SNTG2: variants seen among roughly 807,000 people sequenced by gnomAD.
The protein encoded by SNTG2 is gamma-2-syntrophin.
Under a neutral mutation model 70.9 loss-of-function variants are expected in SNTG2, and 74 were observed. That is an observed-to-expected ratio of 1.04 (90% confidence interval 0.86 to 1.27). The LOEUF is 1.27. Ranked by LOEUF, SNTG2 falls within the 50% of genes most tolerant of loss-of-function variation. The pLI is 0.00. For synonymous variants in SNTG2, 278 were observed against 273.8 expected (o/e 1.02, Z -0.15); for missense variants, 717 against 690.7 (o/e 1.04, Z -0.43).
intron 4 of SNTG2, among the ~76,000 whole-genome samples, chr2:1,132,223 GTA>G (rs1026626772): frequency 6.8e-5 from 9 of 131,998 alleles, no homozygotes; most frequent in African/African-American, 2.0e-4. Context: ...ATATATATGT[GTA>G]TATATGTGTG....
chr2:1,260,163 A>T (rs28612419), intron 13 of SNTG2, among the ~76,000 whole-genome samples: 14,149 of 152,300 alleles, frequency 0.093, 720 homozygotes, highest in South Asian at 0.15. Flanking sequence ...GACTGTAAAG[A>T]GTTATCAGTC....
intron 13 of SNTG2, among the ~76,000 whole-genome samples, chr2:1,265,072 G>A (rs1678649049): frequency 6.6e-6 from 1 of 152,186 alleles, no homozygotes; most frequent in Non-Finnish European, 1.5e-5. Context: ...ACTATAATGA[G>A]CCATTCAATG....
chr2:1,132,557 CGTG>C (rs931991328), intron 4 of SNTG2, among the ~76,000 whole-genome samples: 8 of 152,182 alleles, frequency 5.3e-5, no homozygotes, highest in African/African-American at 1.9e-4. Context: ...CATGTGTCAT[CGTG>C]GTAGTAAGTA....
intron 9 of SNTG2, among the ~76,000 whole-genome samples, chr2:1,215,336 G>A (rs1674308867): frequency 6.6e-6 from 1 of 152,040 alleles, no homozygotes; most frequent in African/African-American, 2.4e-5. Flanking sequence ...TATTTATTTG[G>A]TAGAATTCAG....
chr2:1,162,788 G>A (rs1190636593), intron 6 of SNTG2, among the ~76,000 whole-genome samples: 1 of 152,188 alleles, frequency 6.6e-6, no homozygotes, highest in Non-Finnish European at 1.5e-5. Context: ...GCGGGGGGAG[G>A]ATAGAATCAG....
chr2:993,791 CAT>C (rs918030637), intron 1 of SNTG2, among the ~76,000 whole-genome samples: 2 of 152,050 alleles, frequency 1.3e-5, no homozygotes, highest in Non-Finnish European at 2.9e-5. Flanking sequence ...AGTATCTTCA[CAT>C]GTAATTATTT....
intron 1 of SNTG2, among the ~76,000 whole-genome samples, chr2:974,296 G>A (rs886083337): frequency 1.3e-5 from 2 of 152,180 alleles, no homozygotes; most frequent in African/African-American, 4.8e-5. Context: ...CCATGTTCAT[G>A]CTCCACATGG....
chr2:1,032,749 A>C (rs1327061442), intron 1 of SNTG2, among the ~76,000 whole-genome samples: 1 of 148,938 alleles, frequency 6.7e-6, no homozygotes, highest in Admixed American at 6.7e-5. Flanking sequence ...ATTGGTAGAT[A>C]CACCCTTGGT....
chr2:1,220,730 C>G (rs1357371349), intron 9 of SNTG2, among the ~76,000 whole-genome samples: 4 of 152,218 alleles, frequency 2.6e-5, no homozygotes, highest in East Asian at 1.9e-4. Flanking sequence ...GGCATGTGTC[C>G]TACTCTGATA....
At chr2:1,005,834 T>A (rs1432354133) in intron 1 of SNTG2, among the ~76,000 whole-genome samples, 1 of 14,410 alleles carries the variant, frequency 6.9e-5, no homozygotes, top group African/African-American at 2.6e-4. Context: ...TATATATATA[T>A]ATATATATAT....
chr2:1,262,778 G>GCAGACGAGGCAACCCGAAGTCTCCGTC (rs767622889), intron 13 of SNTG2: 4 of 142,522 alleles, frequency 2.8e-5, no homozygotes, highest in East Asian at 2.0e-4. Flanking sequence ...AAGGCTCCGT[G>GCAGACGAGGCAACCCGAAGTCTCCGTC]CAGACGAGGT....
At chr2:1,154,392 T>C (rs1274150359) in intron 6 of SNTG2, among the ~76,000 whole-genome samples, 3 of 152,184 alleles carry the variant, frequency 2.0e-5, no homozygotes, top group South Asian at 4.1e-4. Flanking sequence ...TGTCGGAAGA[T>C]GTTGAATAAG....
chr2:1,349,224 A>C (rs1049838177), intron 16 of SNTG2, among the ~76,000 whole-genome samples: 9 of 152,182 alleles, frequency 5.9e-5, no homozygotes, highest in Non-Finnish European at 1.2e-4. Context: ...CACTGGTCCA[A>C]GTGGCATCAG....
chr2:1,109,092 A>G lies in SNTG2; in HGVS notation c.325+10682A>G, dbSNP rs182240110. Among the ~76,000 whole-genome samples, 484 of 146,332 alleles carry G rather than the reference A, an allele frequency of 3.3e-3. 2 individuals carry two copies. The highest frequency in any genetic ancestry group is 0.015 in the Middle Eastern group (4 of 266). ...AGAGCTCCTTGGTAATAGTGGACGC[A>G]CGCTGTCACTGGGGCGCAGGGTATG... On this transcript the variant is annotated intron_variant, in intron 4 of 16. Transcript: ENST00000308624.
chr2:1,142,279 T>G (rs1572549457), intron 6 of SNTG2, among the ~76,000 whole-genome samples: 1 of 152,164 alleles, frequency 6.6e-6, no homozygotes, highest in Non-Finnish European at 1.5e-5. Context: ...GATCTGCAGG[T>G]CAAACCATCA....
chr2:1,061,276 T>C (rs1483669129), intron 1 of SNTG2, among the ~76,000 whole-genome samples: 2 of 152,172 alleles, frequency 1.3e-5, no homozygotes, highest in Non-Finnish European at 2.9e-5. Context: ...GTGGAAAGAA[T>C]GATGATAAAC....
chr2:1,220,908 A>C (rs1674715871), intron 9 of SNTG2, among the ~76,000 whole-genome samples: 1 of 152,226 alleles, frequency 6.6e-6, no homozygotes, highest in African/African-American at 2.4e-5. Flanking sequence ...ACTGCTAAGC[A>C]GATGAATGAC....
intron 6 of SNTG2, among the ~76,000 whole-genome samples, chr2:1,145,418 A>G (rs1321993636): frequency 6.6e-6 from 1 of 152,204 alleles, no homozygotes; most frequent in East Asian, 1.9e-4. Context: ...GATCCTATGG[A>G]CATGACATAC....
chr2:1,118,945 A>G (rs998778209), intron 4 of SNTG2, among the ~76,000 whole-genome samples: 1 of 152,184 alleles, frequency 6.6e-6, no homozygotes, highest in Non-Finnish European at 1.5e-5. Flanking sequence ...AACATATTCA[A>G]CCCAAAGAGG....
Sources: allele counts gnomAD v4.1 joint callset (sites outside exome capture counted in the v4.1 genomes callset), GRCh38; gene constraint gnomAD v4.1.1; transcripts MANE v1.5; gene names NCBI Gene and HGNC (gene_info 2026-07-23, HGNC 2026-07-21).